The following SLC2A6 variants were observed in gnomAD, a reference collection of about 807,000 sequenced individuals.
The protein encoded by SLC2A6 is solute carrier family 2 member 6, also known as solute carrier family 2, facilitated glucose transporter member 6.
SLC2A6 carries 39 observed loss-of-function variants against 47.8 expected under a neutral mutation model. That is an observed-to-expected ratio of 0.82 (90% CI 0.63 to 1.07). The LOEUF is 1.07. Among genes scored for constraint, SLC2A6 ranks in the 50% least tolerant of loss-of-function variants. SLC2A6 has a pLI of 0.00. For missense variants in SLC2A6, 650 were observed against 707.6 expected (o/e 0.92, Z 0.92); for synonymous variants, 346 against 324.1 (o/e 1.07, Z -0.73).
In SLC2A6 at chr9:133,477,135, G is replaced by A; in HGVS notation, c.362C>T (p.Ala121Val). The A allele has an allele frequency of 6.5e-7, 1 of 1,549,482 alleles. No individual in the cohort carries two copies. Among genetic ancestry groups the A allele is most frequent in the Non-Finnish European group, 8.7e-7 (1 of 1,146,506 alleles). The change falls in exon 3 of 10, where the codon GCC (alanine) becomes GTC (valine). Residue 121 changes from alanine to valine, a missense_variant. Transcript: ENST00000371899. ...CGCACCCGCCATGAGCGCATAGCCG[G>A]CCGCCGACGGCACAGCTGAGAACAT... The part of the protein sequence containing the change: ...SIMFSAVPSA[A>V]GYALMAGAHG...
chr9:133,478,515 G>T, intron 1 of SLC2A6, 99 bp from the exon 2 acceptor site: 1 of 1,402,262 alleles, frequency 7.1e-7, no homozygotes, highest in Non-Finnish European at 9.8e-7. Flanking sequence ...TCAGCGGGCA[G>T]TGCTAGGGAG....
chr9:133,477,470 A>G (rs1439946340), intron 2 of SLC2A6, among the ~76,000 whole-genome samples: 2 of 152,272 alleles, frequency 1.3e-5, no homozygotes, highest in Non-Finnish European at 2.9e-5. Context: ...CCACATATCC[A>G]CAGTGGTTCT....
chr9:133,472,219 G>A lies in SLC2A6; in HGVS notation c.1369-43C>T, dbSNP rs781997858. The A allele has an allele frequency of 3.7e-6, 6 of 1,604,598 alleles. No individual in the cohort carries two copies. The Admixed American group carries it at 8.4e-5, about 22-fold the overall frequency. Reference sequence around the variant, plus strand: ...GGCCGGGTCACAGGGAGAAGCTCCAGGGTCCTCCTGCCCCAGAGGAGCTCG... The same window carrying A: ...GGCCGGGTCACAGGGAGAAGCTCCAAGGTCCTCCTGCCCCAGAGGAGCTCG... On this transcript the variant is annotated intron_variant, in intron 9 of 9. Transcript: ENST00000371899.
chr9:133,478,429 G>C lies in SLC2A6; in HGVS notation c.93-13C>G, dbSNP rs782539606. On this transcript the variant is annotated splice_polypyrimidine_tract_variant and intron_variant, in intron 1 of 9. Transcript: ENST00000371899. ...GTTCTGCAGGGTCCTGGTGATGGTG[G>C]CGGACAAAAAGACCAGGGTCTCTGA... 1.9e-6 allele frequency: 3 copies of C among 1,613,588 alleles called. No individual in the cohort carries two copies. Among genetic ancestry groups the C allele is most frequent in the Non-Finnish European group, 1.7e-6 (2 of 1,179,822 alleles).
intron 3 of SLC2A6, among the ~76,000 whole-genome samples, chr9:133,476,590 G>A (rs1554803424): frequency 6.6e-6 from 1 of 152,156 alleles, no homozygotes; most frequent in Non-Finnish European, 1.5e-5. Context: ...TGGGAAGGAG[G>A]CCCGAGGGCT....
At chr9:133,473,742 C>G (rs1843827091) in intron 7 of SLC2A6, 142 bp from the exon 8 acceptor site, 5 of 908,994 alleles carry the variant, frequency 5.5e-6, no homozygotes, top group Non-Finnish European at 8.1e-6. Flanking sequence ...GCAGCAAGCT[C>G]TGTCTCCAGC....
intron 1 of SLC2A6, 161 bp downstream of exon 1, chr9:133,478,807 T>C: frequency 1.6e-6 from 1 of 635,534 alleles, no homozygotes; most frequent in East Asian, 3.0e-5. Flanking sequence ...GGGGGACCAG[T>C]TCCTTAAATA....
chr9:133,476,593 C>T (rs751781953), intron 3 of SLC2A6, among the ~76,000 whole-genome samples: 23 of 152,148 alleles, frequency 1.5e-4, no homozygotes, highest in African/African-American at 2.4e-4. Flanking sequence ...GAAGGAGGCC[C>T]GAGGGCTCCC....
rs781919900 is a variant in SLC2A6, at chr9:133,475,524, G to A, written c.650C>T (p.Ser217Leu). The A allele has an allele frequency of 3.7e-6, 6 of 1,610,924 alleles. No individual in the cohort carries two copies. Among genetic ancestry groups the A allele is most frequent in the East Asian group, 2.2e-5 (1 of 44,866 alleles). Reference sequence around the variant, plus strand: ...GCCCCGAGAGAGCAGGAAGCGCGGCGAGTTGGGCATGAAGCTGAGCAGCAG... The same window carrying A: ...GCCCCGAGAGAGCAGGAAGCGCGGCAAGTTGGGCATGAAGCTGAGCAGCAG... Reference protein sequence around the residue: ...MILLLSFMPNSPRFLLSRGRD... With the variant: ...MILLLSFMPNLPRFLLSRGRD... The change falls in exon 5 of 10, where the codon TCG becomes TTG. Residue 217 changes from serine (S) to leucine (L), a missense_variant. Transcript: ENST00000371899.
Position 133,471,814 on chromosome 9 carries a change from C to G in SLC2A6, c.*207G>C. Reference sequence around the variant, plus strand: ...CCATGGCTACGTGCAGCACTGTGGGCTGCCTGGGCTGGGGCTGTGGCTGGA... The same window carrying G: ...CCATGGCTACGTGCAGCACTGTGGGGTGCCTGGGCTGGGGCTGTGGCTGGA... On this transcript the variant is annotated 3_prime_UTR_variant, in exon 10 of 10. Coordinates refer to ENST00000371899, the MANE Select transcript of SLC2A6 (RefSeq NM_017585.4). 2 of 595,754 alleles carry G rather than the reference C, an allele frequency of 3.4e-6. No homozygotes were observed. The highest frequency in any genetic ancestry group is 5.9e-6 in the Non-Finnish European group (2 of 338,830). The allele number at this position is 595,754 out of a possible 1,614,324, so 36.9% of individuals were successfully genotyped here. A position where few individuals can be genotyped will look rare whatever the true frequency, so the allele number is the denominator to read the frequency against.
rs1328057360 is a variant in SLC2A6, at chr9:133,473,590, C to T, written c.1047G>A (p.Met349Ile). Reference protein sequence around the residue: ...KVLLFVSAAIMFAANLTLGLY... With the variant: ...KVLLFVSAAIIFAANLTLGLY... ...GCCCCAGAGTCAGGTTGGCAGCAAA[C>T]ATGATGGCCGCTGTGGACAGACAGG... is the stretch of plus-strand genomic sequence containing the variant. Residue 349 changes from methionine to isoleucine, a missense_variant, in exon 8 of 10, where the codon ATG becomes ATA. By Grantham distance (10) the Met-to-Ile change is conservative. Coordinates refer to ENST00000371899, the MANE Select transcript of SLC2A6 (RefSeq NM_017585.4). The T allele has an allele frequency of 5.9e-6, 9 of 1,533,972 alleles. 1 individual carries two copies. Among genetic ancestry groups the T allele is most frequent in the Non-Finnish European group, 6.1e-6 (7 of 1,140,658 alleles).
chr9:133,478,796 A>G lies in SLC2A6; in HGVS notation c.92+172T>C, dbSNP rs1844061746. ...ACTCTCGTGGATCGTTCCTTCCCTT[A>G]GGGGGACCAGTTCCTTAAATAGGAG... On this transcript the variant is annotated intron_variant, in intron 1 of 9. Transcript: ENST00000371899. 9.7e-6 allele frequency: 6 copies of G among 617,612 alleles called. No homozygotes were observed. In the East Asian group the frequency reaches 1.8e-4, roughly 18 times the overall value. The allele number at this position is 617,612 out of a possible 1,614,324, so 38.3% of individuals were successfully genotyped here. A position where few individuals can be genotyped will look rare whatever the true frequency, so the allele number is the denominator to read the frequency against.
Position 133,475,726 on chromosome 9 carries a change from A to G in SLC2A6, c.563-115T>C, listed in dbSNP as rs927434312. ...AGGTCTAGTCCAAGGGCCATCTCCTACAGGAAGCCTACCCTGATTGCCCCA... is the reference window on the plus strand; with the variant it reads ...AGGTCTAGTCCAAGGGCCATCTCCTGCAGGAAGCCTACCCTGATTGCCCCA... On this transcript the variant is annotated intron_variant, in intron 4 of 9. Transcript: ENST00000371899. 5.9e-5 allele frequency: 56 copies of G among 944,830 alleles called. 2 individuals are homozygous for G. In the Admixed American group the frequency reaches 1.5e-3, roughly 25 times the overall value. The allele number at this position is 944,830 out of a possible 1,614,324, so 58.5% of individuals were successfully genotyped here.
At position 133,472,436 on chromosome 9, in the gene SLC2A6, C is replaced by T. The variant is rs1007600633; in HGVS notation, c.1369-260G>A. Among the ~76,000 whole-genome samples the T allele has an allele frequency of 1.7e-4, 26 of 152,276 alleles. 1 individual carries two copies. The East Asian group carries it at 4.3e-3, about 25-fold the overall frequency. On this transcript the variant is annotated intron_variant, in intron 9 of 9. Coordinates refer to ENST00000371899, the MANE Select transcript of SLC2A6 (RefSeq NM_017585.4). ...CCCTCTGGCGTCAGCTCAGGTACCC[C>T]CTCCACACCCCCTACCCAGCGCTGG...
At chr9:133,473,335 C>G in intron 8 of SLC2A6, 80 bp downstream of exon 8, 1 of 1,537,996 alleles carries the variant, frequency 6.5e-7, no homozygotes, top group Non-Finnish European at 8.8e-7. Context: ...TGGAGACCCC[C>G]CTCTCCAGCC....
rs587759658 is a variant in SLC2A6 at position 133,474,228 on chromosome 9, G to A, written c.928-140C>T. On this transcript the variant is annotated intron_variant, in intron 6 of 9. Transcript: ENST00000371899. ...TACTGAGTGGCCTGGCACCTGCAGC[G>A]TGCTGGGCATCTATACTGTCCGAGC... The A allele has an allele frequency of 2.6e-4, 164 of 619,788 alleles. 1 individual carries two copies. The highest frequency in any genetic ancestry group is 1.2e-3 in the African/African-American group (65 of 54,224). 38.4% of individuals were successfully genotyped at this position (619,788 alleles called of 1,614,324 possible).
intron 9 of SLC2A6, 30 bp from the exon 10 acceptor site, chr9:133,472,206 G>T (rs993584391): frequency 3.1e-6 from 5 of 1,608,854 alleles, no homozygotes; most frequent in Non-Finnish European, 4.2e-6. Context: ...CCGGGTCACA[G>T]GGAGAAGCTC....
At chr9:133,473,828 C>A (rs1260998109) in intron 7 of SLC2A6, 152 bp downstream of exon 7, 14 of 778,930 alleles carry the variant, frequency 1.8e-5, no homozygotes, top group Non-Finnish European at 2.4e-5. Flanking sequence ...TTCTGGACCA[C>A]TGGCCTGGGC....
In SLC2A6 at chr9:133,474,069, G is replaced by C. The variant is rs1251082818; in HGVS notation, c.947C>G (p.Ala316Gly). The C allele has an allele frequency of 3.7e-6, 6 of 1,607,706 alleles. No individual in the cohort carries two copies. In the African/African-American group the frequency reaches 6.7e-5, roughly 18 times the overall value. ...CAGGAGCCGCACGGCCCCAACGATGGCTGCGTCGTCCTTGGGGGGCTATCG... is the reference window on the plus strand; with the variant it reads ...CAGGAGCCGCACGGCCCCAACGATGCCTGCGTCGTCCTTGGGGGGCTATCG... ...AVLLPPKDDA[A>G]IVGAVRLLSV... Residue 316 changes from alanine to glycine, a missense_variant, in exon 7 of 10, where the codon GCC (alanine) becomes GGC (glycine). Ala to Gly is a moderately conservative substitution (Grantham distance 60). Transcript: ENST00000371899.
Sources: gnomAD v4.1 joint callset for allele counts (sites outside exome capture counted in the v4.1 genomes callset) on GRCh38, gnomAD v4.1.1 for gene constraint, MANE v1.5 for transcripts, NCBI Gene and HGNC (gene_info 2026-07-23, HGNC 2026-07-21) for gene names.